Variants in KCNQ3 observed in about 807,000 individuals in gnomAD.
The protein encoded by KCNQ3 is potassium voltage-gated channel subfamily Q member 3, also known as potassium voltage-gated channel subfamily KQT member 3.
Under a neutral mutation model 92.5 loss-of-function variants are expected in KCNQ3, and 30 were observed. That is an observed-to-expected ratio of 0.32 (90% CI 0.24 to 0.44). The LOEUF (loss-of-function observed/expected upper bound fraction) is 0.44. Among genes scored for constraint, KCNQ3 ranks in the 20% least tolerant of loss-of-function variants. KCNQ3 has a pLI of 1.00. For missense variants in KCNQ3, 913 were observed against 1,140.3 expected, an observed-to-expected ratio of 0.80 and a Z score of 2.87; for synonymous variants, 450 against 468.8, an observed-to-expected ratio of 0.96 and a Z score of 0.52.
intron 1 of KCNQ3, among the ~76,000 whole-genome samples, chr8:132,301,618 T>G (rs759603799): frequency 1.3e-5 from 2 of 152,058 alleles, no homozygotes; most frequent in Non-Finnish European, 2.9e-5. Flanking sequence ...TGAACCAAGG[T>G]CTTGCTGGGT....
intron 6 of KCNQ3, 80 bp downstream of exon 6, chr8:132,174,159 C>T: frequency 1.0e-6 from 1 of 961,018 alleles, no homozygotes; most frequent in Non-Finnish European, 1.6e-6. Context: ...TAGAAGATGA[C>T]ACTGGAAAGT....
At chr8:132,277,193 A>G (rs944385737) in intron 1 of KCNQ3, among the ~76,000 whole-genome samples, 3 of 152,208 alleles carry the variant, frequency 2.0e-5, no homozygotes, top group Non-Finnish European at 4.4e-5. Flanking sequence ...CATCAGCATC[A>G]TTTCACAAAT....
intron 1 of KCNQ3, among the ~76,000 whole-genome samples, chr8:132,308,479 G>A (rs1817498091): frequency 6.6e-6 from 1 of 152,168 alleles, no homozygotes; most frequent in African/African-American, 2.4e-5. Flanking sequence ...GCATTGAGGA[G>A]CCAAGAAGCC....
rs1824460643 is a variant in KCNQ3 at position 132,121,248 on chromosome 8, T to C, written c.*8014A>G. On this transcript the variant is annotated 3_prime_UTR_variant, in exon 15 of 15. Transcript: ENST00000388996. ...CCTCCATTTGTTCTTCAAAGACTGG[T>C]GTTTTCCATCACTGCTACATTAGAA... is the stretch of plus-strand genomic sequence containing the variant. The C allele has an allele frequency of 6.6e-6, 1 of 152,180 alleles. No homozygotes were observed. The highest frequency in any genetic ancestry group is 2.1e-4 in the South Asian group (1 of 4,828). The allele number at this position is 152,180 out of a possible 1,614,324, so 9.4% of individuals were successfully genotyped here.
At chr8:132,448,582 G>T (rs1197872803) in intron 1 of KCNQ3, among the ~76,000 whole-genome samples, 1 of 151,370 alleles carries the variant, frequency 6.6e-6, no homozygotes, top group Non-Finnish European at 1.5e-5. Flanking sequence ...GGATGTGCTT[G>T]CAGTGAATTC....
intron 1 of KCNQ3, among the ~76,000 whole-genome samples, chr8:132,352,130 C>T (rs1023880230): frequency 7.9e-5 from 12 of 152,088 alleles, no homozygotes; most frequent in African/African-American, 1.9e-4. Context: ...CACGTTTAGA[C>T]GAGGAAGCTC....
intron 1 of KCNQ3, among the ~76,000 whole-genome samples, chr8:132,381,940 C>A (rs1819763008): frequency 6.6e-6 from 1 of 152,214 alleles, no homozygotes; most frequent in African/African-American, 2.4e-5. Flanking sequence ...CCCTTCTGGG[C>A]TGGTCAGCCA....
intron 1 of KCNQ3, among the ~76,000 whole-genome samples, chr8:132,293,776 T>C (rs16904649): frequency 0.026 from 3,986 of 152,168 alleles, 185 homozygotes; most frequent in African/African-American, 0.089. Flanking sequence ...CGTGAAATAG[T>C]GTCCAGAAAC....
intron 1 of KCNQ3, among the ~76,000 whole-genome samples, chr8:132,447,854 A>C (rs1235573540): frequency 6.6e-6 from 1 of 152,222 alleles, no homozygotes; most frequent in East Asian, 1.9e-4. Flanking sequence ...TTTTTAAGAG[A>C]TGGAAACAGA....
rs534253968 is a variant in KCNQ3 at position 132,325,707 on chromosome 8, C to T, written c.387-139526G>A. ...CTTGGACTTCTAGCCTTCAGAACTG[C>T]GGGAAAATACATTCCCGTTGTTGAA... On this transcript the variant is annotated intron_variant, in intron 1 of 14. Transcript: ENST00000388996. Among the ~76,000 whole-genome samples the T allele has an allele frequency of 9.9e-5, 15 of 152,256 alleles. No homozygotes were observed. The South Asian group carries it at 1.2e-3, about 13-fold the overall frequency.
At chr8:132,215,734 T>C (rs1814009740) in intron 1 of KCNQ3, among the ~76,000 whole-genome samples, 1 of 152,238 alleles carries the variant, frequency 6.6e-6, no homozygotes. Context: ...GGGTTGGGCT[T>C]AGCCCATGAC....
At chr8:132,133,418 T>C (rs892593069) in intron 13 of KCNQ3, among the ~76,000 whole-genome samples, 19 of 137,946 alleles carry the variant, frequency 1.4e-4, no homozygotes, top group African/African-American at 4.2e-4. Flanking sequence ...TGCAGTGGCA[T>C]GATCTCGGCT....
chr8:132,170,449 G>A (rs1312451882), intron 7 of KCNQ3, 21 bp from the exon 8 acceptor site: 3 of 1,535,380 alleles, frequency 2.0e-6, no homozygotes, highest in African/African-American at 2.7e-5. Context: ...GAAAAGAGGG[G>A]CAACAATGAG....
At position 132,170,408 on chromosome 8, in the gene KCNQ3, A is replaced by G. The variant is rs1826291957; in HGVS notation, c.1161T>C (p.Ala387=). 6.2e-7 allele frequency: 1 copy of G among 1,613,808 alleles called. No individual in the cohort carries two copies. The highest frequency in any genetic ancestry group is 8.5e-7 in the Non-Finnish European group (1 of 1,179,878). ...CCAGGTCAATCCTGTTGGGGTTGGT[A>G]GCATAATACCTCCAGGCAGCCTGAG... The part of the protein sequence containing the change: ...ELIQAAWRYY[A]TNPNRIDLVA... Residue 387 remains alanine, a synonymous_variant, in exon 8 of 15, where the codon GCT becomes GCC. Coordinates refer to ENST00000388996, the MANE Select transcript of KCNQ3 (RefSeq NM_004519.4).
intron 9 of KCNQ3, among the ~76,000 whole-genome samples, chr8:132,159,356 C>T (rs1318053196): frequency 2.0e-5 from 3 of 152,174 alleles, no homozygotes; most frequent in Admixed American, 2.0e-4. Context: ...CCACTTCAAT[C>T]ATGTGACTCT....
At chr8:132,228,559 C>A (rs1019938153) in intron 1 of KCNQ3, among the ~76,000 whole-genome samples, 1 of 151,938 alleles carries the variant, frequency 6.6e-6, no homozygotes, top group African/African-American at 2.4e-5. Flanking sequence ...AGAAAAATGC[C>A]CAGAACATAG....
intron 1 of KCNQ3, among the ~76,000 whole-genome samples, chr8:132,422,735 A>T (rs1341233566): frequency 1.2e-4 from 19 of 152,320 alleles, no homozygotes. Flanking sequence ...ATCCTAATGC[A>T]TAATTATTTG....
intron 1 of KCNQ3, among the ~76,000 whole-genome samples, chr8:132,345,461 A>C (rs1262179000): frequency 6.6e-6 from 1 of 152,212 alleles, no homozygotes; most frequent in Non-Finnish European, 1.5e-5. Context: ...GAACAAGATG[A>C]GCTTCAACCA....
chr8:132,415,687 C>T (rs574371796), intron 1 of KCNQ3, among the ~76,000 whole-genome samples: 9 of 152,144 alleles, frequency 5.9e-5, no homozygotes, highest in African/African-American at 2.2e-4. Flanking sequence ...CTTTTGATGG[C>T]CATCAGAGAG....
Sources: allele counts gnomAD v4.1 joint callset (sites outside exome capture counted in the v4.1 genomes callset), GRCh38; gene constraint gnomAD v4.1.1; transcripts MANE v1.5; gene names NCBI Gene and HGNC (gene_info 2026-07-23, HGNC 2026-07-21).